The following TMPRSS15 variants were observed in gnomAD, a reference collection of about 807,000 sequenced individuals.
TMPRSS15 encodes transmembrane serine protease 15.
In TMPRSS15, 128 loss-of-function variants were observed where a neutral mutation model predicts 125.3. The observed-to-expected ratio is 1.02, with a 90% CI of 0.89 to 1.18. The LOEUF is 1.18. TMPRSS15 is among the 50% of genes most tolerant of loss of function. The pLI is 0.00. For missense variants in TMPRSS15, 1,283 were observed against 1,212.7 expected (o/e 1.06, Z -0.86); for synonymous variants, 446 against 423.2 (o/e 1.05, Z -0.66).
intron 6 of TMPRSS15, among the ~76,000 whole-genome samples, chr21:18,371,108 G>A (rs2075787690): frequency 6.6e-6 from 1 of 152,096 alleles, no homozygotes; most frequent in Non-Finnish European, 1.5e-5. Context: ...AAGACCTCCA[G>A]TGGATGCCTG....
At chr21:18,465,639 C>A (rs2122955670) in intron 1 of TMPRSS15, among the ~76,000 whole-genome samples, 7 of 152,274 alleles carry the variant, frequency 4.6e-5, no homozygotes, top group African/African-American at 1.7e-4. Flanking sequence ...AGAGCCAAAT[C>A]ATGAGTGAAC....
intron 10 of TMPRSS15, among the ~76,000 whole-genome samples, chr21:18,347,841 A>G (rs1300909785): frequency 6.6e-6 from 1 of 152,144 alleles, no homozygotes; most frequent in Non-Finnish European, 1.5e-5. Flanking sequence ...CTTAAAACCC[A>G]GGATATTGGC....
chr21:18,436,259 G>T (rs1026085249), intron 1 of TMPRSS15, among the ~76,000 whole-genome samples: 1 of 151,446 alleles, frequency 6.6e-6, no homozygotes. Flanking sequence ...GCTTTCTCTT[G>T]TGGGCATTTA....
intron 16 of TMPRSS15, among the ~76,000 whole-genome samples, chr21:18,322,731 T>C (rs557093172): frequency 6.6e-5 from 10 of 152,038 alleles, no homozygotes; most frequent in South Asian, 4.1e-4. Context: ...AGAAGGGTAG[T>C]GGGGAGGGAG....
intron 1 of TMPRSS15, among the ~76,000 whole-genome samples, chr21:18,475,498 G>T (rs1355432689): frequency 6.6e-6 from 1 of 152,020 alleles, no homozygotes; most frequent in Non-Finnish European, 1.5e-5. Flanking sequence ...AGTCCGAGGT[G>T]GGAGGATCAC....
chr21:18,308,228 AAAC>A lies in TMPRSS15; in HGVS notation c.2165+4714_2165+4716del, dbSNP rs1032552649. On this transcript the variant is annotated intron_variant, in intron 18 of 24. Transcript: ENST00000284885. ...CCAGTTCTTTACTTGAAATGAAAAT[AAAC>A]AACTGTCACTTTCTGGGTTTTGTTG... Among the ~76,000 whole-genome samples the A allele has an allele frequency of 6.6e-5, 10 of 152,290 alleles. 2 individuals are homozygous for A. Among genetic ancestry groups the A allele is most frequent in the African/African-American group, 2.4e-4 (10 of 41,544 alleles).
chr21:18,413,334 TCC>T (rs2076171920), intron 1 of TMPRSS15, among the ~76,000 whole-genome samples: 1 of 140,660 alleles, frequency 7.1e-6, no homozygotes, highest in African/African-American at 2.7e-5. Context: ...CTTCCTTCCT[TCC>T]TTCCTTCCTT....
chr21:18,463,440 C>G (rs1189306359), intron 1 of TMPRSS15, among the ~76,000 whole-genome samples: 1 of 151,798 alleles, frequency 6.6e-6, no homozygotes, highest in Non-Finnish European at 1.5e-5. Context: ...TAGGAGCACC[C>G]AGATTCATAA....
intron 1 of TMPRSS15, among the ~76,000 whole-genome samples, chr21:18,460,055 G>T (rs1978523634): frequency 6.6e-6 from 1 of 152,004 alleles, no homozygotes; most frequent in African/African-American, 2.4e-5. Flanking sequence ...TATGTAGGTA[G>T]TTTCTTGGTA....
chr21:18,407,440 T>C (rs1269011205), upstream of TMPRSS15, among the ~76,000 whole-genome samples: 1 of 127,552 alleles, frequency 7.8e-6, no homozygotes, highest in Non-Finnish European at 1.6e-5. Flanking sequence ...TTTTTCTTTT[T>C]TTCTTTTCTT....
At chr21:18,454,532 T>A (rs1978403313) in intron 1 of TMPRSS15, among the ~76,000 whole-genome samples, 1 of 152,066 alleles carries the variant, frequency 6.6e-6, no homozygotes, top group South Asian at 2.1e-4. Context: ...GCCAGTGGTA[T>A]AATTCATTCT....
chr21:18,298,569 C>G (rs536710388), intron 18 of TMPRSS15, among the ~76,000 whole-genome samples: 1 of 152,192 alleles, frequency 6.6e-6, no homozygotes, highest in African/African-American at 2.4e-5. Context: ...TTGAAGATTT[C>G]TCTTAATTAT....
intron 18 of TMPRSS15, among the ~76,000 whole-genome samples, chr21:18,307,150 T>C (rs2075046922): frequency 6.6e-6 from 1 of 152,214 alleles, no homozygotes; most frequent in South Asian, 2.1e-4. Flanking sequence ...AGGATGTAAC[T>C]TTCTTTCAAT....
intron 10 of TMPRSS15, among the ~76,000 whole-genome samples, chr21:18,347,616 TTC>T: frequency 6.6e-6 from 1 of 152,346 alleles, no homozygotes; most frequent in African/African-American, 2.4e-5. Context: ...TTCATTTTTT[TTC>T]TGTCTTGATA....
chr21:18,361,063 G>A (rs1402695248), intron 7 of TMPRSS15, among the ~76,000 whole-genome samples: 5 of 152,060 alleles, frequency 3.3e-5, no homozygotes, highest in Non-Finnish European at 7.4e-5. Flanking sequence ...ACTAGTGCAT[G>A]CTATTGATAT....
intron 1 of TMPRSS15, among the ~76,000 whole-genome samples, chr21:18,399,094 C>T (rs1488187123): frequency 6.6e-6 from 1 of 152,220 alleles, no homozygotes; most frequent in East Asian, 1.9e-4. Context: ...ATTGCTTCAA[C>T]TGAAACTCAC....
At chr21:18,469,086 T>C (rs1341286763) in intron 1 of TMPRSS15, among the ~76,000 whole-genome samples, 3 of 152,188 alleles carry the variant, frequency 2.0e-5, no homozygotes, top group South Asian at 2.1e-4. Flanking sequence ...TTGGCTCTTA[T>C]GTCCACCCGG....
chr21:18,320,336 C>A (rs1452189086), intron 16 of TMPRSS15, among the ~76,000 whole-genome samples: 1 of 151,866 alleles, frequency 6.6e-6, no homozygotes, highest in Non-Finnish European at 1.5e-5. Context: ...TAGTCACCAC[C>A]CTTTATTTTT....
At chr21:18,410,290 A>T (rs1282834997) in intron 1 of TMPRSS15, among the ~76,000 whole-genome samples, 1 of 151,880 alleles carries the variant, frequency 6.6e-6, no homozygotes, top group Non-Finnish European at 1.5e-5. Flanking sequence ...GGTTTATTCT[A>T]TCTGTGAATG....
Sources: allele counts gnomAD v4.1 joint callset (sites outside exome capture counted in the v4.1 genomes callset), GRCh38; gene constraint gnomAD v4.1.1; transcripts MANE v1.5; gene names NCBI Gene and HGNC (gene_info 2026-07-23, HGNC 2026-07-21).